Variants in AGTPBP1 observed in about 807,000 individuals in gnomAD.
AGTPBP1 encodes the protein cytosolic carboxypeptidase 1.
AGTPBP1 carries 70 observed loss-of-function variants against 143.9 expected under a neutral mutation model. That is an observed-to-expected ratio of 0.49 (90% CI 0.40 to 0.59). AGTPBP1 has a LOEUF of 0.59. Ranked by LOEUF, AGTPBP1 falls within the 20% of genes least tolerant of loss-of-function variation. The pLI is 0.00. For synonymous variants in AGTPBP1, 463 were observed against 500.2 expected (o/e 0.93, Z 0.99); for missense variants, 1,229 against 1,464.5 (o/e 0.84, Z 2.62).
the AGTPBP1 span, among the ~76,000 whole-genome samples, chr9:85,789,641 T>A: frequency 2.0e-5 from 3 of 152,176 alleles, no homozygotes; most frequent in African/African-American, 7.2e-5. Flanking sequence ...TTAATGTATT[T>A]TTTTGTTGTT....
chr9:85,689,143 A>AT (rs889267682), intron 3 of AGTPBP1, among the ~76,000 whole-genome samples: 1 of 151,644 alleles, frequency 6.6e-6, no homozygotes, highest in African/African-American at 2.4e-5. Context: ...TTCAACTATA[A>AT]TTTTTTTTTC....
chr9:85,572,201 T>C (rs1327843064), intron 25 of AGTPBP1, among the ~76,000 whole-genome samples: 1 of 151,960 alleles, frequency 6.6e-6, no homozygotes, highest in Non-Finnish European at 1.5e-5. Context: ...TAAATTTTTG[T>C]ATTTTTAGTA....
In AGTPBP1 at chr9:85,547,258, C is replaced by T. The variant is rs914335151; in HGVS notation, c.3532G>A (p.Glu1178Lys). Residue 1178 changes from glutamate (E) to lysine (K), a missense_variant, in exon 26 of 26, where the codon GAA becomes AAA. Glu to Lys is a moderately conservative substitution (Grantham distance 56, BLOSUM62 1). Around this residue, in one of 2 missense-constraint regions of AGTPBP1, gnomAD observed 486 missense variants for 652.3 expected, o/e 0.75. Transcript: ENST00000357081. Reference protein sequence around the residue: ...SPTTYVLDEDEPRFLEEVDYS... With the variant: ...SPTTYVLDEDKPRFLEEVDYS... Reference sequence around the variant, plus strand: ...TCAACTTCTTCAAGGAATCGAGGTTCATCTTCATCCAAGACATAAGTGGTA... The same window carrying T: ...TCAACTTCTTCAAGGAATCGAGGTTTATCTTCATCCAAGACATAAGTGGTA... 1 of 1,612,086 alleles carries T rather than the reference C, an allele frequency of 6.2e-7. No individual in the cohort carries two copies. Among genetic ancestry groups the T allele is most frequent in the African/African-American group, 1.3e-5 (1 of 74,798 alleles).
chr9:85,734,972 T>C (rs1420581864), intron 1 of AGTPBP1, among the ~76,000 whole-genome samples: 1 of 152,122 alleles, frequency 6.6e-6, no homozygotes, highest in Non-Finnish European at 1.5e-5. Flanking sequence ...GAGGCAAAGG[T>C]TGCAGTGAGC....
At chr9:85,662,497 G>C (rs1833906508) in intron 8 of AGTPBP1, among the ~76,000 whole-genome samples, 2 of 152,014 alleles carry the variant, frequency 1.3e-5, no homozygotes, top group Admixed American at 1.3e-4. Context: ...AAAACTATGA[G>C]AATAAGGATA....
At position 85,681,332 on chromosome 9, in the gene AGTPBP1, T is replaced by C. The variant is rs1409756365; in HGVS notation, c.161A>G (p.Lys54Arg). ...TTTGGCTGTCATTTCTCTCCTTGTT[T>C]TTTCTGAAAAGTAGCAAACAATTTT... ...KILHLAQSQE[K>R]TRREMTAKGS... Residue 54 changes from lysine (K) to arginine (R), a missense_variant, in exon 4 of 26, where the codon AAA becomes AGA. By Grantham distance (26) the Lys-to-Arg change is conservative. Around this residue, in one of 2 missense-constraint regions of AGTPBP1, gnomAD observed 743 missense variants for 812.2 expected, o/e 0.91. Transcript: ENST00000357081. The C allele has an allele frequency of 6.2e-7, 1 of 1,611,852 alleles. No homozygotes were observed. Among genetic ancestry groups the C allele is most frequent in the Middle Eastern group, 1.7e-4 (1 of 6,058 alleles).
intron 3 of AGTPBP1, among the ~76,000 whole-genome samples, chr9:85,681,639 G>A (rs993772618): frequency 6.6e-6 from 1 of 152,026 alleles, no homozygotes; most frequent in African/African-American, 2.4e-5. Context: ...AGGAGTAAGG[G>A]AGGAGTCTTA....
At chr9:85,747,830 TG>T in the AGTPBP1 span, among the ~76,000 whole-genome samples, 1 of 152,120 alleles carries the variant, frequency 6.6e-6, no homozygotes, top group Non-Finnish European at 1.5e-5. Flanking sequence ...TTCATAATAA[TG>T]GTAATAATAA....
chr9:85,770,425 T>C, the AGTPBP1 span: 1 of 1,599,974 alleles, frequency 6.3e-7, no homozygotes, highest in African/African-American at 1.3e-5. Context: ...AGCAAATGTC[T>C]TGGAAAAACT....
chr9:85,719,859 T>C (rs1837983811), intron 1 of AGTPBP1, among the ~76,000 whole-genome samples: 2 of 152,254 alleles, frequency 1.3e-5, no homozygotes, highest in Non-Finnish European at 2.9e-5. Flanking sequence ...TATTGACAGT[T>C]TGTAACATGA....
chr9:85,779,184 TATAGATATAGATATAGATATAG>T, the AGTPBP1 span, among the ~76,000 whole-genome samples: 53 of 28,140 alleles, frequency 1.9e-3, no homozygotes, highest in African/African-American at 5.3e-3. Flanking sequence ...GATATATAGA[TATAGATATAGATATAGATATAG>T]ATATAGATAT....
At chr9:85,773,156 T>A in the AGTPBP1 span, among the ~76,000 whole-genome samples, 12 of 147,904 alleles carry the variant, frequency 8.1e-5, no homozygotes, top group Non-Finnish European at 1.8e-4. Flanking sequence ...TCCCAGCTAC[T>A]CGGGAGGCTG....
upstream of AGTPBP1, among the ~76,000 whole-genome samples, chr9:85,744,793 T>C (rs996219547): frequency 6.6e-6 from 1 of 152,164 alleles, no homozygotes; most frequent in Non-Finnish European, 1.5e-5. Flanking sequence ...GAAACATGGG[T>C]GGGAGCTTCT....
chr9:85,563,618 T>C (rs1184816670), intron 25 of AGTPBP1, among the ~76,000 whole-genome samples: 1 of 152,176 alleles, frequency 6.6e-6, no homozygotes, highest in Non-Finnish European at 1.5e-5. Flanking sequence ...TCACCCTGTC[T>C]ATATTGTAAC....
chr9:85,710,695 ACAAC>A (rs750299891), intron 2 of AGTPBP1, among the ~76,000 whole-genome samples: 1 of 151,910 alleles, frequency 6.6e-6, no homozygotes, highest in Non-Finnish European at 1.5e-5. Flanking sequence ...AACAACAACA[ACAAC>A]AAAAAAAACA....
At chr9:85,770,060 G>GTT in the AGTPBP1 span, among the ~76,000 whole-genome samples, 1 of 116,588 alleles carries the variant, frequency 8.6e-6, no homozygotes, top group Non-Finnish European at 1.7e-5. Context: ...ATGTTAATCT[G>GTT]TTGTGTGTGT....
intron 17 of AGTPBP1, among the ~76,000 whole-genome samples, chr9:85,615,007 A>G (rs1430991695): frequency 6.6e-6 from 1 of 152,170 alleles, no homozygotes; most frequent in Non-Finnish European, 1.5e-5. Flanking sequence ...TTCGTGGCTC[A>G]GGTATGCAGT....
intron 17 of AGTPBP1, among the ~76,000 whole-genome samples, chr9:85,609,304 T>G (rs1365946440): frequency 1.3e-5 from 2 of 151,756 alleles, no homozygotes; most frequent in Non-Finnish European, 2.9e-5. Context: ...TTTTTTTTTT[T>G]TTTGAGATGG....
At chr9:85,731,602 C>A (rs1838884627) in intron 1 of AGTPBP1, among the ~76,000 whole-genome samples, 1 of 152,040 alleles carries the variant, frequency 6.6e-6, no homozygotes, top group Admixed American at 6.6e-5. Context: ...TGCACACCAC[C>A]AGCCACCTAA....
Sources: gnomAD v4.1 joint callset for allele counts (sites outside exome capture counted in the v4.1 genomes callset) on GRCh38, gnomAD v4.1.1 for gene constraint, gnomAD v4.1.1 regional missense constraint, MANE v1.5 for transcripts, NCBI Gene and HGNC (gene_info 2026-07-23, HGNC 2026-07-21) for gene names.